Variants in TNIK observed in about 807,000 individuals in gnomAD.
TNIK encodes TRAF2 and NCK interacting kinase, also known as TRAF2 and NCK-interacting protein kinase.
A neutral mutation model predicts 191.3 loss-of-function variants in TNIK; 49 were observed. The ratio of observed to expected loss-of-function variants is 0.26; its 90% CI spans 0.20 to 0.32. TNIK has a LOEUF of 0.32. Ranked by LOEUF, TNIK falls within the 10% of genes least tolerant of loss-of-function variation. The pLI, the probability that TNIK is intolerant of heterozygous loss-of-function variation, is 1.00. For synonymous variants in TNIK, 594 were observed against 600.9 expected, an observed-to-expected ratio of 0.99 and a Z score of 0.17; for missense variants, 1,155 against 1,702.3, an observed-to-expected ratio of 0.68 and a Z score of 5.66.
At chr3:171,388,649 ACTG>A (rs1719055442) in intron 1 of TNIK, among the ~76,000 whole-genome samples, 2 of 152,134 alleles carry the variant, frequency 1.3e-5, no homozygotes, top group South Asian at 4.1e-4. Context: ...TTCTACTTCA[ACTG>A]CTTTCAGTTA....
intron 1 of TNIK, among the ~76,000 whole-genome samples, chr3:171,450,271 G>C (rs1728012573): frequency 6.6e-6 from 1 of 152,166 alleles, no homozygotes. Flanking sequence ...TAACTTAGCT[G>C]AGTTCTCCTC....
intron 2 of TNIK, among the ~76,000 whole-genome samples, chr3:171,276,029 T>C (rs1311429866): frequency 2.0e-5 from 3 of 152,088 alleles, no homozygotes; most frequent in African/African-American, 7.2e-5. Flanking sequence ...TGCAGACAAA[T>C]GTAGTTCCTA....
chr3:171,412,736 C>G (rs1722566378), intron 1 of TNIK, among the ~76,000 whole-genome samples: 1 of 152,238 alleles, frequency 6.6e-6, no homozygotes, highest in African/African-American at 2.4e-5. Context: ...AATTACTGTG[C>G]TAGATATGTG....
chr3:171,376,372 G>T (rs1717215755), intron 1 of TNIK, among the ~76,000 whole-genome samples: 1 of 152,128 alleles, frequency 6.6e-6, no homozygotes, highest in Admixed American at 6.6e-5. Context: ...GTAGAGGTTT[G>T]CAGAGTCAAA....
At chr3:171,389,319 T>C (rs1719150558) in intron 1 of TNIK, among the ~76,000 whole-genome samples, 1 of 152,164 alleles carries the variant, frequency 6.6e-6, no homozygotes, top group African/African-American at 2.4e-5. Context: ...AAAATTTTGA[T>C]ACAAAAAGCT....
intron 1 of TNIK, among the ~76,000 whole-genome samples, chr3:171,407,842 A>G (rs1219244933): frequency 1.3e-5 from 2 of 152,212 alleles, no homozygotes; most frequent in Non-Finnish European, 2.9e-5. Context: ...TTCAAGAATC[A>G]GAAGTATCAT....
intron 7 of TNIK, among the ~76,000 whole-genome samples, chr3:171,186,952 TC>T (rs1307127347): frequency 6.6e-6 from 1 of 152,200 alleles, no homozygotes; most frequent in Non-Finnish European, 1.5e-5. Flanking sequence ...AAGGAAAGCC[TC>T]TTCTAGATAC....
chr3:171,449,582 T>C (rs1727928629), intron 1 of TNIK, among the ~76,000 whole-genome samples: 1 of 151,634 alleles, frequency 6.6e-6, no homozygotes, highest in African/African-American at 2.4e-5. Flanking sequence ...AAAAAATCTA[T>C]TTATCCATGC....
At chr3:171,371,366 CA>C in intron 1 of TNIK, among the ~76,000 whole-genome samples, 1 of 152,128 alleles carries the variant, frequency 6.6e-6, no homozygotes, top group Non-Finnish European at 1.5e-5. Context: ...TCAAAGATTC[CA>C]CACAGAGAAC....
chr3:171,285,203 A>T (rs1176527976), intron 2 of TNIK, among the ~76,000 whole-genome samples: 1 of 152,190 alleles, frequency 6.6e-6, no homozygotes, highest in Admixed American at 6.5e-5. Context: ...CAAGCTGATA[A>T]TTTTTTGATA....
At position 171,329,282 on chromosome 3, in the gene TNIK, G is replaced by C. The variant is rs1040177813; in HGVS notation, c.123+40338C>G. 3.3e-5 allele frequency among the ~76,000 whole-genome samples: 5 copies of C among 152,162 alleles called. No homozygotes were observed. The East Asian group carries it at 9.6e-4, about 29-fold the overall frequency. On this transcript the variant is annotated intron_variant, in intron 2 of 32. Coordinates refer to ENST00000436636, the MANE Select transcript of TNIK (RefSeq NM_015028.4). ...AAAAAATTATTTAATACCATGGTAA[G>C]TATTTTTCATTGTCTCATGAGGCAA...
chr3:171,301,680 A>G (rs1208691058), intron 2 of TNIK, among the ~76,000 whole-genome samples: 1 of 152,192 alleles, frequency 6.6e-6, no homozygotes, highest in Admixed American at 6.5e-5. Context: ...GAACTCTTCT[A>G]TACTGAAGAA....
chr3:171,139,052 T>C (rs1730417707), intron 14 of TNIK, among the ~76,000 whole-genome samples: 1 of 152,194 alleles, frequency 6.6e-6, no homozygotes, highest in African/African-American at 2.4e-5. Flanking sequence ...AAATGAAATA[T>C]GACTGTAGAG....
At chr3:171,275,699 A>G (rs1260088344) in intron 2 of TNIK, among the ~76,000 whole-genome samples, 2 of 152,040 alleles carry the variant, frequency 1.3e-5, no homozygotes, top group Non-Finnish European at 2.9e-5. Context: ...GATCAAGACC[A>G]TCCTGGCTAA....
intron 2 of TNIK, among the ~76,000 whole-genome samples, chr3:171,328,976 T>C (rs1435061123): frequency 2.0e-5 from 3 of 152,182 alleles, no homozygotes; most frequent in African/African-American, 4.8e-5. Flanking sequence ...GTTATTTCTG[T>C]AATCTTCATC....
At chr3:171,384,006 G>C (rs1450756676) in intron 1 of TNIK, among the ~76,000 whole-genome samples, 1 of 152,158 alleles carries the variant, frequency 6.6e-6, no homozygotes, top group Non-Finnish European at 1.5e-5. Context: ...ACAGCCTCCA[G>C]CTCACCATTC....
chr3:171,188,663 T>C lies in TNIK; in HGVS notation c.639+39A>G, dbSNP rs368204690. 1.2e-5 allele frequency: 19 copies of C among 1,609,888 alleles called. No individual in the cohort carries two copies. In the African/African-American group the frequency reaches 1.3e-4, roughly 11 times the overall value. ...AGACTTTATAAGACTCAGGATAAGA[T>C]GGTAGGCATAGTTTTGAAACACGAC... On this transcript the variant is annotated intron_variant, in intron 7 of 32. Coordinates refer to ENST00000436636, the MANE Select transcript of TNIK (RefSeq NM_015028.4).
At chr3:171,279,749 T>C (rs973527299) in intron 2 of TNIK, among the ~76,000 whole-genome samples, 2 of 152,216 alleles carry the variant, frequency 1.3e-5, no homozygotes, top group Admixed American at 1.3e-4. Flanking sequence ...ATTTACTTAA[T>C]ACAGCAACCC....
At chr3:171,367,774 C>T (rs2108487972) in intron 2 of TNIK, among the ~76,000 whole-genome samples, 1 of 152,076 alleles carries the variant, frequency 6.6e-6, no homozygotes, top group Admixed American at 6.6e-5. Flanking sequence ...CTGGCCAGGC[C>T]CCAAAGCATC....
Sources: gnomAD v4.1 joint callset for allele counts (sites outside exome capture counted in the v4.1 genomes callset) on GRCh38, gnomAD v4.1.1 for gene constraint, MANE v1.5 for transcripts, NCBI Gene and HGNC (gene_info 2026-07-23, HGNC 2026-07-21) for gene names.